UBAC2: variants seen among roughly 807,000 people sequenced by gnomAD.
The protein encoded by UBAC2 is UBA domain containing 2, also known as ubiquitin-associated domain-containing protein 2.
UBAC2 carries 26 observed loss-of-function variants against 44.0 expected under a neutral mutation model. That is an observed-to-expected ratio of 0.59 (90% CI 0.43 to 0.82). UBAC2 has a LOEUF of 0.82. Ranked by LOEUF, UBAC2 falls within the 40% of genes least tolerant of loss-of-function variation. The probability of loss-of-function intolerance (pLI) is 0.00; values close to 1 mark genes in which losing one functional copy is unlikely to be tolerated. For synonymous variants in UBAC2, 155 were observed against 154.3 expected (o/e 1.00, Z -0.04); for missense variants, 329 against 419.4 (o/e 0.78, Z 1.88).
chr13:99,280,979 A>C (rs2043946824), intron 4 of UBAC2, among the ~76,000 whole-genome samples: 1 of 152,128 alleles, frequency 6.6e-6, no homozygotes, highest in Non-Finnish European at 1.5e-5. Context: ...TGAGGTCAGG[A>C]GTTTGAGACC....
chr13:99,244,690 A>G, intron 4 of UBAC2, 66 bp downstream of exon 4: 1 of 951,388 alleles, frequency 1.1e-6, no homozygotes, highest in Non-Finnish European at 1.6e-6. Flanking sequence ...TGTTATTATT[A>G]TTATGTGAAA....
chr13:99,300,559 C>G (rs945490981), intron 4 of UBAC2, among the ~76,000 whole-genome samples: 7 of 152,196 alleles, frequency 4.6e-5, no homozygotes, highest in African/African-American at 1.7e-4. Flanking sequence ...AGAGATATTA[C>G]TTTATATCTT....
At chr13:99,256,036 TG>T (rs1253363490) in intron 4 of UBAC2, 6 of 613,942 alleles carry the variant, frequency 9.8e-6, no homozygotes, top group Non-Finnish European at 1.7e-5. Flanking sequence ...ACGATTCAAC[TG>T]GTTAACTACT....
intron 7 of UBAC2, chr13:99,356,083 G>C (rs761418484): frequency 4.0e-5 from 20 of 504,354 alleles, no homozygotes; most frequent in Non-Finnish European, 6.8e-5. Flanking sequence ...CCTCTGAAAA[G>C]AAATGTCATT....
chr13:99,292,829 T>C (rs1047154176), intron 4 of UBAC2, among the ~76,000 whole-genome samples: 16 of 152,146 alleles, frequency 1.1e-4, no homozygotes, highest in African/African-American at 3.9e-4. Flanking sequence ...ACCCGATTCA[T>C]GGAGAAAATA....
intron 1 of UBAC2, among the ~76,000 whole-genome samples, chr13:99,221,145 G>C (rs554356697): frequency 6.6e-6 from 1 of 151,980 alleles, no homozygotes; most frequent in African/African-American, 2.4e-5. Flanking sequence ...TATTGTTTCT[G>C]GTCTTTTCAC....
At chr13:99,255,187 T>C in intron 4 of UBAC2, 1 of 1,614,138 alleles carries the variant, frequency 6.2e-7, no homozygotes, top group South Asian at 1.1e-5. Context: ...CCTTATGGAC[T>C]TCTCCTTGAC....
At chr13:99,242,626 C>T (rs1486347917) in intron 2 of UBAC2, among the ~76,000 whole-genome samples, 63 of 14,550 alleles carry the variant, frequency 4.3e-3, no homozygotes, top group African/African-American at 0.011. Context: ...GCTGGCCAGG[C>T]GGGGGGCTGA....
intron 1 of UBAC2, among the ~76,000 whole-genome samples, chr13:99,223,595 AC>A (rs140233484): frequency 2.1e-4 from 21 of 99,838 alleles, no homozygotes; most frequent in Middle Eastern, 6.7e-3. Flanking sequence ...ATTATGTGAG[AC>A]CTTTTTTCTT....
intron 1 of UBAC2, among the ~76,000 whole-genome samples, chr13:99,234,865 G>A (rs1185054063): frequency 1.3e-5 from 2 of 152,234 alleles, no homozygotes; most frequent in Non-Finnish European, 2.9e-5. Flanking sequence ...ATGTTCCTGA[G>A]TAGGTGAAAG....
At chr13:99,303,463 G>C (rs1222979392) in intron 4 of UBAC2, among the ~76,000 whole-genome samples, 1 of 152,142 alleles carries the variant, frequency 6.6e-6, no homozygotes, top group Non-Finnish European at 1.5e-5. Flanking sequence ...GTGGCTTTTG[G>C]TGGCTTTTAT....
Position 99,318,180 on chromosome 13 carries a change from T to C in UBAC2, c.561+111T>C, listed in dbSNP as rs983378137. ...TATTCAACTGTCTCACCATTCTTTT[T>C]TTTTGAGACAGAATTTCACTCTTGT... On this transcript the variant is annotated intron_variant, in intron 6 of 8. Coordinates refer to ENST00000403766, the MANE Select transcript of UBAC2 (RefSeq NM_001144072.2). 139 of 1,080,036 alleles carry C rather than the reference T, an allele frequency of 1.3e-4. No homozygotes were observed. The African/African-American group carries it at 2.1e-3, about 16-fold the overall frequency. The allele number at this position is 1,080,036 out of a possible 1,614,324, so 66.9% of individuals were successfully genotyped here. A position where few individuals can be genotyped will look rare whatever the true frequency, so the allele number is the denominator to read the frequency against.
At chr13:99,252,280 C>T (rs1298686844) in intron 4 of UBAC2, among the ~76,000 whole-genome samples, 1 of 152,212 alleles carries the variant, frequency 6.6e-6, no homozygotes, top group Admixed American at 6.5e-5. Context: ...TATTATATTA[C>T]GTTGTCATGG....
chr13:99,340,588 A>G, intron 7 of UBAC2, 23 bp downstream of exon 7: 1 of 1,596,786 alleles, frequency 6.3e-7, no homozygotes, highest in South Asian at 1.1e-5. Flanking sequence ...ATAATCACTA[A>G]AAATTTAGAA....
chr13:99,360,065 C>T (rs527306081), intron 7 of UBAC2, among the ~76,000 whole-genome samples: 2 of 152,166 alleles, frequency 1.3e-5, no homozygotes, highest in Non-Finnish European at 2.9e-5. Context: ...TCTAAAACAT[C>T]GCATTCATAA....
intron 7 of UBAC2, among the ~76,000 whole-genome samples, chr13:99,344,686 T>G (rs575439709): frequency 2.6e-5 from 4 of 152,346 alleles, no homozygotes; most frequent in Non-Finnish European, 5.9e-5. Context: ...TTCAGTGTTG[T>G]ATTTCTTTAG....
At chr13:99,204,134 A>G (rs1429279167) in intron 1 of UBAC2, among the ~76,000 whole-genome samples, 1 of 152,212 alleles carries the variant, frequency 6.6e-6, no homozygotes, top group African/African-American at 2.4e-5. Context: ...GACTCAGTCA[A>G]CATTAATTGC....
intron 4 of UBAC2, chr13:99,294,573 C>G (rs1391264405): frequency 1.0e-4 from 16 of 152,796 alleles, no homozygotes; most frequent in Admixed American, 1.0e-3. Flanking sequence ...CAAAAGAGTT[C>G]CTTAACAAAG....
At chr13:99,293,308 C>G (rs1000166003) in intron 4 of UBAC2, among the ~76,000 whole-genome samples, 1 of 152,084 alleles carries the variant, frequency 6.6e-6, no homozygotes, top group Non-Finnish European at 1.5e-5. Flanking sequence ...TCCCTTAGCC[C>G]AGAGAGGACT....
Sources: allele counts gnomAD v4.1 joint callset (sites outside exome capture counted in the v4.1 genomes callset), GRCh38; gene constraint gnomAD v4.1.1; transcripts MANE v1.5; gene names NCBI Gene and HGNC (gene_info 2026-07-23, HGNC 2026-07-21).